PEX2: variants seen among roughly 807,000 people sequenced by gnomAD.
The protein encoded by PEX2 is peroxisomal biogenesis factor 2.
Under a neutral mutation model 25.2 loss-of-function variants are expected in PEX2, and 19 were observed. The ratio of observed to expected loss-of-function variants is 0.75; its 90% CI spans 0.53 to 1.10. The LOEUF (loss-of-function observed/expected upper bound fraction) is 1.10, where lower values mean the gene tolerates loss of function less well. Among genes scored for constraint, PEX2 ranks in the 50% least tolerant of loss-of-function variants. The probability of loss-of-function intolerance (pLI) is 0.00; values close to 1 mark genes in which losing one functional copy is unlikely to be tolerated. For missense variants in PEX2, 347 were observed against 350.6 expected (o/e 0.99, Z 0.08); for synonymous variants, 141 against 127.7 (o/e 1.10, Z -0.70).
rs1488296543 is a variant in PEX2, at chr8:76,982,114, A to T, written c.*1147T>A. ...TAAAAACATTTAAAAACTGTTTTTT[A>T]AAAAACATTCTAGTTAAGACGAGAT... On this transcript the variant is annotated 3_prime_UTR_variant, in exon 4 of 4. Coordinates refer to ENST00000357039, the MANE Select transcript of PEX2 (RefSeq NM_000318.3). 6.6e-6 allele frequency: 1 copy of T among 152,178 alleles called. No homozygotes were observed. Among genetic ancestry groups the T allele is most frequent in the Non-Finnish European group, 1.5e-5 (1 of 68,016 alleles). 9.4% of individuals were successfully genotyped at this position (152,178 alleles called of 1,614,324 possible).
intron 1 of PEX2, among the ~76,000 whole-genome samples, chr8:76,988,673 C>T (rs1807074398): frequency 6.6e-6 from 1 of 152,140 alleles, no homozygotes; most frequent in Non-Finnish European, 1.5e-5. Flanking sequence ...TGGATTGACT[C>T]TTCATCTCAT....
At chr8:76,996,310 G>A (rs956952363) in intron 1 of PEX2, among the ~76,000 whole-genome samples, 4 of 152,144 alleles carry the variant, frequency 2.6e-5, no homozygotes, top group African/African-American at 9.7e-5. Flanking sequence ...CTAAAACAAG[G>A]AAATTGAGGT....
At chr8:76,993,037 G>A (rs1018692119) in intron 1 of PEX2, among the ~76,000 whole-genome samples, 3 of 152,162 alleles carry the variant, frequency 2.0e-5, no homozygotes, top group Admixed American at 6.6e-5. Flanking sequence ...TGCACCATGA[G>A]CTACATCCTT....
upstream of PEX2, chr8:77,000,850 T>C (rs567515290): frequency 2.2e-4 from 34 of 152,378 alleles, no homozygotes; most frequent in Admixed American, 2.1e-3. Flanking sequence ...AGGCAGAGCT[T>C]CTGGGAATGG....
chr8:76,985,101 A>C (rs1283129922), intron 3 of PEX2, among the ~76,000 whole-genome samples: 1 of 151,970 alleles, frequency 6.6e-6, no homozygotes, highest in African/African-American at 2.4e-5. Flanking sequence ...TAAAACACCA[A>C]GTCACTGCCA....
intron 3 of PEX2, 107 bp from the exon 4 acceptor site, chr8:76,984,302 G>A (rs1203921560): frequency 1.2e-6 from 1 of 835,074 alleles, no homozygotes; most frequent in Non-Finnish European, 1.9e-6. Flanking sequence ...AGGACACATA[G>A]GCGATGAGCG....
rs1384124243 is a variant in PEX2 at position 76,983,644 on chromosome 8, T to C, written c.535A>G (p.Lys179Glu). The change falls in exon 4 of 4, where the codon AAG (lysine) becomes GAG (glutamate). Residue 179 changes from lysine to glutamate, a missense_variant. By Grantham distance (56) the Lys-to-Glu change is moderately conservative. Transcript: ENST00000357039. ...CCAACTTCACATATGTTTTGAGGCT[T>C]GCAAAATACAGAATGAATACCTAGG... ...RLLGIHSVFC[K>E]PQNICEVGFE... 1.2e-6 allele frequency: 2 copies of C among 1,614,154 alleles called. No homozygotes were observed. The highest frequency in any genetic ancestry group is 4.5e-5 in the East Asian group (2 of 44,886).
Position 76,984,046 on chromosome 8 carries a change from T to C in PEX2, c.133A>G (p.Lys45Glu). 1 of 1,613,144 alleles carries C rather than the reference T, an allele frequency of 6.2e-7. No individual in the cohort carries two copies. ...TCAAAGCGAGCTAACAGCCCAGGTT[T>C]AAATCCATGAAAGCACTGAGTAAAC... is the stretch of plus-strand genomic sequence containing the variant. ...SQFTQCFHGF[K>E]PGLLARFEPE... Residue 45 changes from lysine (K) to glutamate (E), a missense_variant, in exon 4 of 4, where the codon AAA becomes GAA. Lys to Glu is a moderately conservative substitution (Grantham distance 56). Coordinates refer to ENST00000357039, the MANE Select transcript of PEX2 (RefSeq NM_000318.3).
chr8:76,987,141 A>T (rs1343592625), intron 2 of PEX2, among the ~76,000 whole-genome samples: 1 of 152,242 alleles, frequency 6.6e-6, no homozygotes, highest in Non-Finnish European at 1.5e-5. Flanking sequence ...ATAATGGTAC[A>T]ACAGACACTG....
At position 76,983,197 on chromosome 8, in the gene PEX2, G is replaced by A. The variant is rs566672724; in HGVS notation, c.*64C>T. 2 of 1,600,394 alleles carry A rather than the reference G, an allele frequency of 1.2e-6. No individual in the cohort carries two copies. Among genetic ancestry groups the A allele is most frequent in the South Asian group, 1.1e-5 (1 of 90,918 alleles). On this transcript the variant is annotated 3_prime_UTR_variant, in exon 4 of 4. Coordinates refer to ENST00000357039, the MANE Select transcript of PEX2 (RefSeq NM_000318.3). ...AAGGATACATAAATGGTATACTTAG[G>A]ATGACTAATATTAAGAATTTAAACA...
intron 1 of PEX2, among the ~76,000 whole-genome samples, chr8:76,999,029 T>C (rs1201097910): frequency 6.6e-6 from 1 of 152,070 alleles, no homozygotes; most frequent in Non-Finnish European, 1.5e-5. Flanking sequence ...CAAATCTCTT[T>C]CTGGCTCAAG....
intron 1 of PEX2, among the ~76,000 whole-genome samples, chr8:76,998,065 T>C (rs1297764136): frequency 4.6e-5 from 7 of 152,210 alleles, no homozygotes; most frequent in Non-Finnish European, 8.8e-5. Flanking sequence ...CCAACTCAGA[T>C]CATCAAAAGA....
In PEX2 at chr8:76,983,628, C is replaced by A. The variant is rs1266603500; in HGVS notation, c.551G>T (p.Cys184Phe). Reference protein sequence around the residue: ...HSVFCKPQNICEVGFEYMNRE... With the variant: ...HSVFCKPQNIFEVGFEYMNRE... The stretch of plus-strand genomic sequence containing the variant: ...ATTCATGTATTCAAAGCCAACTTCA[C>A]ATATGTTTTGAGGCTTGCAAAATAC... The change falls in exon 4 of 4, where the codon TGT becomes TTT. Residue 184 changes from cysteine to phenylalanine, a missense_variant. Coordinates refer to ENST00000357039, the MANE Select transcript of PEX2 (RefSeq NM_000318.3). 1.9e-5 allele frequency: 30 copies of A among 1,613,782 alleles called. No individual in the cohort carries two copies. The East Asian group carries it at 6.5e-4, about 35-fold the overall frequency.
upstream of PEX2, chr8:77,000,197 T>C (rs886063144): frequency 4.3e-5 from 12 of 281,248 alleles, no homozygotes; most frequent in Non-Finnish European, 7.1e-5. Flanking sequence ...CTGAAGGCAC[T>C]GGATGGCCAA....
rs1384297085 is a variant in PEX2, at chr8:76,983,383, AATAAC to A, written c.791_795del (p.Cys264PhefsTer4). ...AATAAGAAACTACTCTTAGCACAGA[AATAAC>A]AGAAAATATGCTCACATCCTATGGT... On this transcript the variant is annotated frameshift_variant, in exon 4 of 4. Transcript: ENST00000357039. LOFTEE classifies it high-confidence loss of function. The A allele has an allele frequency of 6.2e-7, 1 of 1,614,110 alleles. No homozygotes were observed. Among genetic ancestry groups the A allele is most frequent in the African/African-American group, 1.3e-5 (1 of 75,062 alleles).
At chr8:76,989,411 C>T (rs1807098231) in intron 1 of PEX2, among the ~76,000 whole-genome samples, 2 of 152,138 alleles carry the variant, frequency 1.3e-5, no homozygotes, top group African/African-American at 4.8e-5. Context: ...CCTTCTCTCA[C>T]GAATCATGTT....
At chr8:76,984,243 G>C in intron 3 of PEX2, 48 bp from the exon 4 acceptor site, 1 of 1,456,966 alleles carries the variant, frequency 6.9e-7, no homozygotes, top group East Asian at 2.3e-5. Flanking sequence ...TTGCAATCTT[G>C]TACAACCTCC....
rs79571536 is a variant in PEX2 at position 76,996,469 on chromosome 8, G to T, written c.-160+3521C>A. On this transcript the variant is annotated intron_variant, in intron 1 of 3. Coordinates refer to ENST00000357039, the MANE Select transcript of PEX2 (RefSeq NM_000318.3). ...TGGTACCACAGGTCACACAGATGGG[G>T]CTACCTTAAAGAGGCCAAGTACTAA... is the stretch of plus-strand genomic sequence containing the variant. Among the ~76,000 whole-genome samples the T allele has an allele frequency of 9.2e-3, 1,397 of 152,232 alleles. 13 individuals carry two copies. Among genetic ancestry groups the T allele is most frequent in the African/African-American group, 0.032 (1,344 of 41,532 alleles).
upstream of PEX2, among the ~76,000 whole-genome samples, chr8:77,000,478 C>T (rs1046550375): frequency 4.6e-5 from 7 of 152,054 alleles, no homozygotes; most frequent in Non-Finnish European, 8.8e-5. Context: ...GGCGGCGAGA[C>T]GCCTCCGCGC....
Sources: gnomAD v4.1 joint callset for allele counts (sites outside exome capture counted in the v4.1 genomes callset) on GRCh38, gnomAD v4.1.1 for gene constraint, MANE v1.5 for transcripts, NCBI Gene and HGNC (gene_info 2026-07-23, HGNC 2026-07-21) for gene names.